The following BCAR3 variants were observed in gnomAD, a reference collection of about 807,000 sequenced individuals.
BCAR3 encodes BCAR3 adaptor protein, NSP family member, also known as breast cancer anti-estrogen resistance protein 3.
A neutral mutation model predicts 80.1 loss-of-function variants in BCAR3; 37 were observed. The observed-to-expected ratio is 0.46, with a 90% CI of 0.36 to 0.61. The LOEUF is 0.61. Among genes scored for constraint, BCAR3 ranks in the 20% least tolerant of loss-of-function variants. The probability of loss-of-function intolerance (pLI) is 0.00; values close to 1 mark genes in which losing one functional copy is unlikely to be tolerated. For synonymous variants in BCAR3, 389 were observed against 418.9 expected, an observed-to-expected ratio of 0.93 and a Z score of 0.87; for missense variants, 978 against 1,068.2, an observed-to-expected ratio of 0.92 and a Z score of 1.18.
chr1:93,604,289 C>G (rs943278374), intron 3 of BCAR3, among the ~76,000 whole-genome samples: 4 of 152,176 alleles, frequency 2.6e-5, no homozygotes, highest in African/African-American at 4.8e-5. Flanking sequence ...ATCAAAACCC[C>G]TAGAGATCCC....
intron 2 of BCAR3, among the ~76,000 whole-genome samples, chr1:93,741,214 C>T (rs373292317): frequency 9.6e-4 from 146 of 152,304 alleles, no homozygotes; most frequent in Non-Finnish European, 1.6e-3. Context: ...ATGACAGCAA[C>T]GGCAGCAGGG....
intron 2 of BCAR3, among the ~76,000 whole-genome samples, chr1:93,784,898 A>G (rs1652887179): frequency 6.6e-6 from 1 of 152,190 alleles, no homozygotes; most frequent in East Asian, 1.9e-4. Flanking sequence ...TCCCTGTATG[A>G]GCTTCCCTTA....
intron 3 of BCAR3, among the ~76,000 whole-genome samples, chr1:93,639,181 A>C (rs1350493856): frequency 1.3e-5 from 2 of 152,174 alleles, no homozygotes; most frequent in East Asian, 3.9e-4. Context: ...AGCAACCGAG[A>C]AACCGGTCCC....
intron 8 of BCAR3, among the ~76,000 whole-genome samples, chr1:93,575,663 G>A (rs1172617119): frequency 6.6e-6 from 1 of 152,190 alleles, no homozygotes; most frequent in Non-Finnish European, 1.5e-5. Flanking sequence ...AGGAGACCCA[G>A]GAGACTCCAG....
intron 2 of BCAR3, among the ~76,000 whole-genome samples, chr1:93,728,968 A>T (rs1467289761): frequency 1.3e-5 from 2 of 151,916 alleles, no homozygotes; most frequent in Admixed American, 6.6e-5. Flanking sequence ...GCCCTCCTCT[A>T]CCCAGCACTT....
At chr1:93,631,942 T>C (rs1675632075) in intron 3 of BCAR3, among the ~76,000 whole-genome samples, 1 of 152,124 alleles carries the variant, frequency 6.6e-6, no homozygotes, top group Non-Finnish European at 1.5e-5. Context: ...GACAAAGCAG[T>C]GTCTGGCCTG....
chr1:93,776,041 G>T (rs895390011), intron 2 of BCAR3, among the ~76,000 whole-genome samples: 1 of 152,128 alleles, frequency 6.6e-6, no homozygotes, highest in East Asian at 1.9e-4. Flanking sequence ...CAAACAAAAG[G>T]TTTCCATCAG....
At chr1:93,697,645 G>T (rs545816331) in intron 3 of BCAR3, among the ~76,000 whole-genome samples, 29 of 152,294 alleles carry the variant, frequency 1.9e-4, no homozygotes, top group African/African-American at 7.0e-4. Flanking sequence ...TCCTTCAAGT[G>T]TCCTCTGACC....
chr1:93,615,373 A>T (rs1675081563), intron 3 of BCAR3, among the ~76,000 whole-genome samples: 2 of 152,210 alleles, frequency 1.3e-5, no homozygotes, highest in Admixed American at 1.3e-4. Flanking sequence ...CGCAAGGGCA[A>T]GGGCCCGGCC....
intron 2 of BCAR3, among the ~76,000 whole-genome samples, chr1:93,804,752 A>C (rs371999100): frequency 2.0e-5 from 3 of 152,240 alleles, no homozygotes; most frequent in Admixed American, 6.5e-5. Flanking sequence ...AAAGTGAAAC[A>C]GTGGATAAGG....
At chr1:93,640,726 T>C (rs1433401919) in intron 3 of BCAR3, among the ~76,000 whole-genome samples, 1 of 152,238 alleles carries the variant, frequency 6.6e-6, no homozygotes, top group Non-Finnish European at 1.5e-5. Flanking sequence ...AAACAGGCCA[T>C]TCCAAAATCC....
At chr1:93,563,154 A>G (rs1672773250) in intron 11 of BCAR3, among the ~76,000 whole-genome samples, 1 of 152,180 alleles carries the variant, frequency 6.6e-6, no homozygotes, top group African/African-American at 2.4e-5. Flanking sequence ...TACATAAACC[A>G]TTACCACCAG....
intron 3 of BCAR3, among the ~76,000 whole-genome samples, chr1:93,690,811 C>T (rs1452735259): frequency 2.0e-5 from 3 of 152,106 alleles, no homozygotes; most frequent in Admixed American, 6.5e-5. Context: ...TTTTGACTAT[C>T]GAGATTAAAC....
intron 2 of BCAR3, among the ~76,000 whole-genome samples, chr1:93,799,665 A>G (rs1265064061): frequency 6.6e-6 from 1 of 152,226 alleles, no homozygotes; most frequent in African/African-American, 2.4e-5. Context: ...TGTTTTTTAC[A>G]ATCATGAAGA....
At chr1:93,683,043 G>C (rs951411534), upstream of BCAR3, among the ~76,000 whole-genome samples, 4 of 152,120 alleles carry the variant, frequency 2.6e-5, no homozygotes, top group African/African-American at 9.7e-5. Context: ...GACACCACGA[G>C]TGAAAAGGCA....
At chr1:93,766,537 T>A (rs921702591) in intron 2 of BCAR3, among the ~76,000 whole-genome samples, 1 of 152,254 alleles carries the variant, frequency 6.6e-6, no homozygotes, top group Non-Finnish European at 1.5e-5. Context: ...TGCTGGGTTC[T>A]TGTTGCCTGG....
At chr1:93,760,029 G>A (rs1422486907) in intron 2 of BCAR3, among the ~76,000 whole-genome samples, 1 of 152,160 alleles carries the variant, frequency 6.6e-6, no homozygotes, top group East Asian at 1.9e-4. Flanking sequence ...GCTTGCTGGA[G>A]GAAGGGTAAC....
chr1:93,689,487 C>CA (rs916869645), intron 3 of BCAR3, among the ~76,000 whole-genome samples: 6 of 149,712 alleles, frequency 4.0e-5, no homozygotes, highest in Non-Finnish European at 5.9e-5. Flanking sequence ...GCCGAGATCG[C>CA]ACCATTGCAC....
intron 2 of BCAR3, among the ~76,000 whole-genome samples, chr1:93,658,589 T>G (rs1040441736): frequency 6.6e-6 from 1 of 151,904 alleles, no homozygotes; most frequent in African/African-American, 2.4e-5. Flanking sequence ...GAGGTGGAGG[T>G]TGCAGTGAGC....
Sources: gnomAD v4.1 joint callset for allele counts (sites outside exome capture counted in the v4.1 genomes callset) on GRCh38, gnomAD v4.1.1 for gene constraint, MANE v1.5 for transcripts, NCBI Gene and HGNC (gene_info 2026-07-23, HGNC 2026-07-21) for gene names.